NOS2: variants seen among roughly 807,000 people sequenced by gnomAD.
NOS2 encodes nitric oxide synthase 2.
A neutral mutation model predicts 136.0 loss-of-function variants in NOS2; 96 were observed. That is an observed-to-expected ratio of 0.71 (90% CI 0.60 to 0.84). NOS2 has a LOEUF of 0.84. Among genes scored for constraint, NOS2 ranks in the 40% least tolerant of loss-of-function variants. NOS2 has a pLI of 0.00. For missense variants in NOS2, 1,237 were observed against 1,496.9 expected (o/e 0.83, Z 2.87); for synonymous variants, 539 against 587.5 (o/e 0.92, Z 1.20).
intron 17 of NOS2, 111 bp from the exon 18 acceptor site, chr17:27,767,948 T>C (rs1908362265): frequency 2.1e-6 from 3 of 1,412,124 alleles, no homozygotes; most frequent in African/African-American, 1.4e-5. Flanking sequence ...GAGCCGTGTG[T>C]TTCGTGTAAC....
intron 26 of NOS2, 30 bp from the exon 27 acceptor site, chr17:27,757,383 C>G (rs1907962538): frequency 1.2e-6 from 2 of 1,604,164 alleles, no homozygotes; most frequent in South Asian, 2.2e-5. Context: ...AGCAACGTGT[C>G]AAGTCCAGGC....
In NOS2 at chr17:27,762,974, T is replaced by C. The variant is rs1226625763; in HGVS notation, c.2624A>G (p.Asn875Ser). The change falls in exon 22 of 27, where the codon AAC (asparagine) becomes AGC (serine). Residue 875 changes from asparagine to serine, a missense_variant. Around this residue, in one of 3 missense-constraint regions of NOS2, gnomAD observed 782 missense variants for 909.9 expected, o/e 0.86. Transcript: ENST00000313735. ...TAGCACCTCCAGGAATGTGGGGCTGTTGGTGAACTTCCACTTGCTGTACTC... is the reference window on the plus strand; with the variant it reads ...TAGCACCTCCAGGAATGTGGGGCTGCTGGTGAACTTCCACTTGCTGTACTC... Reference protein sequence around the residue: ...PSEYSKWKFTNSPTFLEVLEE... With the variant: ...PSEYSKWKFTSSPTFLEVLEE... The C allele has an allele frequency of 1.2e-6, 2 of 1,604,792 alleles. No homozygotes were observed. Among genetic ancestry groups the C allele is most frequent in the Non-Finnish European group, 1.7e-6 (2 of 1,176,248 alleles).
intron 11 of NOS2, among the ~76,000 whole-genome samples, chr17:27,774,788 T>TA (rs758306723): frequency 3.9e-5 from 6 of 152,184 alleles, no homozygotes; most frequent in Admixed American, 6.5e-5. Context: ...CTGCATAACT[T>TA]AAACCACAGC....
intron 2 of NOS2, among the ~76,000 whole-genome samples, chr17:27,797,814 C>G (rs754331493): frequency 3.3e-5 from 5 of 152,066 alleles, no homozygotes; most frequent in Admixed American, 2.6e-4. Context: ...AGGATGGGCC[C>G]GGGGAGGAGG....
At chr17:27,779,751 C>G (rs1908784602) in intron 9 of NOS2, among the ~76,000 whole-genome samples, 1 of 152,304 alleles carries the variant, frequency 6.6e-6, no homozygotes, top group Admixed American at 6.5e-5. Context: ...TCAAGTTCTG[C>G]CTCTGACTAG....
intron 2 of NOS2, among the ~76,000 whole-genome samples, chr17:27,798,418 T>A (rs548440366): frequency 6.7e-6 from 1 of 148,584 alleles, no homozygotes; most frequent in Non-Finnish European, 1.5e-5. Flanking sequence ...TGCCTCCCAT[T>A]CTCAGGCCAA....
At chr17:27,782,438 G>A (rs1450116336) in intron 6 of NOS2, among the ~76,000 whole-genome samples, 2 of 152,202 alleles carry the variant, frequency 1.3e-5, no homozygotes, top group Non-Finnish European at 2.9e-5. Flanking sequence ...CCCCAGGCTA[G>A]GTCCTTTCCC....
chr17:27,789,469 C>G, intron 3 of NOS2, 135 bp downstream of exon 3: 1 of 696,224 alleles, frequency 1.4e-6, no homozygotes, highest in Non-Finnish European at 2.6e-6. Flanking sequence ...CCCAACACCC[C>G]GGGTCTGGGA....
In NOS2 at chr17:27,774,338, G is replaced by A; in HGVS notation, c.1395C>T (p.Val465=). The A allele has an allele frequency of 6.3e-7, 1 of 1,586,516 alleles. No homozygotes were observed. The highest frequency in any genetic ancestry group is 8.6e-7 in the Non-Finnish European group (1 of 1,166,618). The part of the protein sequence containing the change: ...GGCPADWIWL[V]PPMSGSITPV... ...GGGTGATGCTCCCAGACATGGGAGG[G>A]ACCAGCCAAATCCAGTCTGCCGGGC... The change falls in exon 12 of 27, where the codon GTC becomes GTT. Residue 465 remains valine, a synonymous_variant. Coordinates refer to ENST00000313735, the MANE Select transcript of NOS2 (RefSeq NM_000625.4).
At chr17:27,770,769 C>T (rs532705552) in intron 15 of NOS2, 144 bp downstream of exon 15, 9 of 574,248 alleles carry the variant, frequency 1.6e-5, no homozygotes, top group African/African-American at 5.6e-5. Context: ...CAATGGAGGC[C>T]GGCAAATGAC....
At chr17:27,774,203 C>CACACAT in intron 12 of NOS2, 54 bp downstream of exon 12, 1 of 1,324,528 alleles carries the variant, frequency 7.5e-7, no homozygotes. Flanking sequence ...CACACACACA[C>CACACAT]ACATACAGCC....
intron 11 of NOS2, 60 bp downstream of exon 11, chr17:27,778,630 C>T: frequency 1.5e-6 from 2 of 1,338,360 alleles, no homozygotes; most frequent in Middle Eastern, 1.8e-4. Context: ...TCACATAAGT[C>T]ACTGGATCAG....
At chr17:27,796,677 G>A (rs1203485572) in intron 2 of NOS2, among the ~76,000 whole-genome samples, 2 of 152,106 alleles carry the variant, frequency 1.3e-5, no homozygotes, top group African/African-American at 4.8e-5. Context: ...GCAGGCTCTA[G>A]AATAGGGGCG....
At chr17:27,799,011 C>A (rs1909445913) in intron 1 of NOS2, 129 bp from the exon 2 acceptor site, 1 of 588,008 alleles carries the variant, frequency 1.7e-6, no homozygotes. Flanking sequence ...TGCTTTGCAA[C>A]CTCTGTCTCT....
At chr17:27,769,970 G>C (rs1908439421) in intron 15 of NOS2, among the ~76,000 whole-genome samples, 1 of 152,208 alleles carries the variant, frequency 6.6e-6, no homozygotes, top group African/African-American at 2.4e-5. Context: ...TCTGAAATAA[G>C]GCTGGCTTTC....
chr17:27,775,807 G>A (rs945001486), intron 11 of NOS2, among the ~76,000 whole-genome samples: 11 of 152,178 alleles, frequency 7.2e-5, no homozygotes, highest in African/African-American at 2.7e-4. Context: ...CTTACATCAT[G>A]AGGTTGTTGA....
chr17:27,785,957 CAAAAAAAAAAAAAAAA>C (rs1170004221), intron 5 of NOS2, among the ~76,000 whole-genome samples: 3 of 39,792 alleles, frequency 7.5e-5, no homozygotes, highest in Admixed American at 6.7e-4. Flanking sequence ...GACCGAGTCT[CAAAAAAAAAAAAAAAA>C]AAAAAAAAAA....
rs750054843 is a variant in NOS2 at position 27,757,295 on chromosome 17, T to C, written c.3413A>G (p.Lys1138Arg). ...FGAVFPYEAK[K>R]DRVAVQPSSL... The stretch of plus-strand genomic sequence containing the variant: ...GCTGGGCTGCACCGCCACCCTGTCC[T>C]TCTTCGCCTCGTAAGGAAATACAGC... Residue 1138 changes from lysine to arginine, a missense_variant, in exon 27 of 27, where the codon AAG (lysine) becomes AGG (arginine). By Grantham distance (26) the Lys-to-Arg change is conservative. This residue lies in a region of NOS2 where 782 missense variants were observed against 909.9 expected (regional missense o/e 0.86). Transcript: ENST00000313735. 1.5e-5 allele frequency: 24 copies of C among 1,614,030 alleles called. No individual in the cohort carries two copies. In the South Asian group the frequency reaches 2.6e-4, roughly 18 times the overall value.
intron 2 of NOS2, among the ~76,000 whole-genome samples, chr17:27,791,804 A>T (rs1310360735): frequency 8.6e-4 from 130 of 151,320 alleles, no homozygotes; most frequent in African/African-American, 3.1e-3. Context: ...AAACAAAACA[A>T]AAATATATAT....
Sources: allele counts gnomAD v4.1 joint callset (sites outside exome capture counted in the v4.1 genomes callset), GRCh38; gene constraint gnomAD v4.1.1; regional missense constraint gnomAD v4.1.1; transcripts MANE v1.5; gene names NCBI Gene and HGNC (gene_info 2026-07-23, HGNC 2026-07-21).